The following SLC25A26 variants were observed in gnomAD, a reference collection of about 807,000 sequenced individuals.
The protein encoded by SLC25A26 is mitochondrial S-adenosylmethionine carrier protein.
Under a neutral mutation model 37.8 loss-of-function variants are expected in SLC25A26, and 36 were observed. That is an observed-to-expected ratio of 0.95 (90% CI 0.73 to 1.26). SLC25A26 has a LOEUF of 1.26. Ranked by LOEUF, SLC25A26 falls within the 50% of genes most tolerant of loss-of-function variation. The probability of loss-of-function intolerance (pLI) is 0.00; values close to 1 mark genes in which losing one functional copy is unlikely to be tolerated. For synonymous variants in SLC25A26, 129 were observed against 122.5 expected, an observed-to-expected ratio of 1.05 and a Z score of -0.35; for missense variants, 390 against 331.1, an observed-to-expected ratio of 1.18 and a Z score of -1.38.
upstream of SLC25A26, among the ~76,000 whole-genome samples, chr3:66,218,850 G>C (rs966863292): frequency 0.016 from 2,437 of 152,280 alleles, 150 homozygotes; most frequent in East Asian, 0.19. Context: ...AGCCATCTTG[G>C]AATTGGATCC....
intron 5 of SLC25A26, among the ~76,000 whole-genome samples, chr3:66,272,177 A>G (rs2073982643): frequency 6.6e-6 from 1 of 152,146 alleles, no homozygotes; most frequent in Admixed American, 6.6e-5. Context: ...TAATCCTCAC[A>G]GCAGCCCAAA....
chr3:66,358,699 C>G (rs749381644), intron 6 of SLC25A26, among the ~76,000 whole-genome samples: 27 of 152,186 alleles, frequency 1.8e-4, no homozygotes, highest in Non-Finnish European at 3.7e-4. Flanking sequence ...ACTGTGTTAA[C>G]TAGGCTAGTC....
At chr3:66,214,017 C>T (rs1307109920) in intron 1 of SLC25A26, among the ~76,000 whole-genome samples, 1 of 151,890 alleles carries the variant, frequency 6.6e-6, no homozygotes, top group East Asian at 1.9e-4. Context: ...TGCAAAAATC[C>T]CCAGAAATGT....
chr3:66,304,404 G>C (rs754694183), intron 5 of SLC25A26: 1 of 456,014 alleles, frequency 2.2e-6, no homozygotes, highest in South Asian at 1.5e-5. Flanking sequence ...TTCAGTTTCA[G>C]TTTTGTGTTC....
intron 1 of SLC25A26, among the ~76,000 whole-genome samples, chr3:66,208,380 G>A (rs971027894): frequency 0.01 from 1,579 of 151,996 alleles, 33 homozygotes; most frequent in African/African-American, 0.036. Context: ...GGAAATCATG[G>A]CAGGCCAATG....
At chr3:66,215,112 C>T (rs1050751949) in intron 1 of SLC25A26, among the ~76,000 whole-genome samples, 6 of 152,134 alleles carry the variant, frequency 3.9e-5, no homozygotes, top group Non-Finnish European at 8.8e-5. Context: ...GTGAGAGATA[C>T]TCTGTCTCAA....
intron 3 of SLC25A26, among the ~76,000 whole-genome samples, chr3:66,260,543 CG>C (rs1186357801): frequency 2.4e-4 from 37 of 152,138 alleles, no homozygotes; most frequent in Non-Finnish European, 1.5e-5. Flanking sequence ...TGTAATGCAT[CG>C]GTATGAAGCA....
intron 5 of SLC25A26, among the ~76,000 whole-genome samples, chr3:66,265,022 C>T (rs1425614651): frequency 6.6e-6 from 1 of 152,194 alleles, no homozygotes; most frequent in Non-Finnish European, 1.5e-5. Context: ...ACTGCAAGAA[C>T]ATGGTATGGG....
At position 66,346,388 on chromosome 3, in the gene SLC25A26, C is replaced by A; in HGVS notation, c.478C>A (p.Pro160Thr). ...REIPFSLVQF[P>T]LWESLKALWS... ...GATTCCTTTTTCTTTGGTCCAGTTT[C>A]CCTTATGGGAGTCCTTAAAAGTAAG... is the stretch of plus-strand genomic sequence containing the variant. Residue 160 changes from proline to threonine, a missense_variant, in exon 6 of 10, where the codon CCC (proline) becomes ACC (threonine). By Grantham distance (38) the Pro-to-Thr change is conservative. Coordinates refer to ENST00000354883, the MANE Select transcript of SLC25A26 (RefSeq NM_001379210.1). 6.7e-7 allele frequency: 1 copy of A among 1,482,602 alleles called. No individual in the cohort carries two copies. The highest frequency in any genetic ancestry group is 9.0e-7 in the Non-Finnish European group (1 of 1,111,458). The allele number at this position is 1,482,602 out of a possible 1,614,324, so 91.8% of individuals were successfully genotyped here. A position where few individuals can be genotyped will look rare whatever the true frequency, so the allele number is the denominator to read the frequency against.
At chr3:66,200,288 G>C (rs973500739) in intron 1 of SLC25A26, among the ~76,000 whole-genome samples, 152,138 of 152,346 alleles carry the variant, frequency 1, 75,965 homozygotes, top group Non-Finnish European at 1. Flanking sequence ...GTGCTTGGCT[G>C]CACCTACTGC....
At chr3:66,233,631 C>T (rs1482002598) in intron 1 of SLC25A26, among the ~76,000 whole-genome samples, 1 of 152,060 alleles carries the variant, frequency 6.6e-6, no homozygotes, top group Non-Finnish European at 1.5e-5. Context: ...TTGTTTAAAT[C>T]TGAAATATGT....
chr3:66,324,261 A>C (rs1345430244), intron 5 of SLC25A26: 2 of 136,876 alleles, frequency 1.5e-5, no homozygotes, highest in Non-Finnish European at 3.1e-5. Context: ...GGAATGGGGA[A>C]TGCTGTTTGG....
chr3:66,311,280 T>C (rs2075369152), intron 5 of SLC25A26, among the ~76,000 whole-genome samples: 1 of 152,036 alleles, frequency 6.6e-6, no homozygotes, highest in Admixed American at 6.6e-5. Context: ...CTTGATCGAT[T>C]CGGCTATTGA....
intron 1 of SLC25A26, among the ~76,000 whole-genome samples, chr3:66,154,959 G>C (rs1019895236): frequency 5.9e-5 from 9 of 152,202 alleles, no homozygotes; most frequent in Non-Finnish European, 1.2e-4. Flanking sequence ...ATTCTGAGCA[G>C]ACCATGCTGT....
rs574235178 is a variant in SLC25A26 at position 66,260,084 on chromosome 3, C to T, written c.301-1967C>T. Among the ~76,000 whole-genome samples the T allele has an allele frequency of 2.0e-5, 3 of 152,226 alleles. No homozygotes were observed. In the East Asian group the frequency reaches 5.8e-4, roughly 29 times the overall value. On this transcript the variant is annotated intron_variant, in intron 3 of 9. Coordinates refer to ENST00000354883, the MANE Select transcript of SLC25A26 (RefSeq NM_001379210.1). ...TTCCACCTTTCTTGCCAGCTCATTC[C>T]GGCTCATCCAGAAGGTTCTATAATG...
intron 1 of SLC25A26, among the ~76,000 whole-genome samples, chr3:66,189,541 G>A (rs1213609121): frequency 6.6e-6 from 1 of 152,184 alleles, no homozygotes; most frequent in Admixed American, 6.5e-5. Flanking sequence ...AGTTGAGTTT[G>A]AACATGAAAT....
intron 5 of SLC25A26, among the ~76,000 whole-genome samples, chr3:66,300,586 C>T (rs564918908): frequency 2.5e-4 from 38 of 152,042 alleles, no homozygotes; most frequent in African/African-American, 5.1e-4. Context: ...TTTTAAGATC[C>T]ATAACAGAAT....
At chr3:66,289,500 TAA>T (rs972293196) in intron 5 of SLC25A26, among the ~76,000 whole-genome samples, 15 of 152,228 alleles carry the variant, frequency 9.9e-5, no homozygotes, top group African/African-American at 3.6e-4. Flanking sequence ...AATTTTTGTA[TAA>T]AGAGTAAAGA....
chr3:66,222,448 T>G (rs983998583), intron 1 of SLC25A26, among the ~76,000 whole-genome samples: 1 of 152,238 alleles, frequency 6.6e-6, no homozygotes, highest in Non-Finnish European at 1.5e-5. Context: ...CCCAAAGTGC[T>G]GGGACTACAG....
Sources: gnomAD v4.1 joint callset for allele counts (sites outside exome capture counted in the v4.1 genomes callset) on GRCh38, gnomAD v4.1.1 for gene constraint, MANE v1.5 for transcripts, NCBI Gene and HGNC (gene_info 2026-07-23, HGNC 2026-07-21) for gene names.